CSMD1: variants seen among roughly 807,000 people sequenced by gnomAD.
CSMD1 encodes the protein CUB and sushi domain-containing protein 1.
A neutral mutation model predicts 417.5 loss-of-function variants in CSMD1; 213 were observed. The observed-to-expected ratio is 0.51, with a 90% CI of 0.46 to 0.57. The LOEUF is 0.57. Among genes scored for constraint, CSMD1 ranks in the 20% least tolerant of loss-of-function variants. The pLI is 0.00. For synonymous variants in CSMD1, 2,862 were observed against 1,736.8 expected, an observed-to-expected ratio of 1.65 and a Z score of -16.11; for missense variants, 6,923 against 4,529.7, an observed-to-expected ratio of 1.53 and a Z score of -15.17.
intron 1 of CSMD1, among the ~76,000 whole-genome samples, chr8:4,956,401 T>C (rs564959107): frequency 1.8e-4 from 27 of 150,044 alleles, no homozygotes; most frequent in Non-Finnish European, 3.3e-4. Flanking sequence ...TACACATACA[T>C]TTTCAAGATA....
intron 1 of CSMD1, among the ~76,000 whole-genome samples, chr8:4,986,978 TA>T (rs1414596400): frequency 6.6e-6 from 1 of 152,162 alleles, no homozygotes; most frequent in Non-Finnish European, 1.5e-5. Flanking sequence ...AATACATAGA[TA>T]ATGTTTATAT....
chr8:4,320,518 C>A (rs1165643741), intron 3 of CSMD1, among the ~76,000 whole-genome samples: 1 of 152,092 alleles, frequency 6.6e-6, no homozygotes, highest in Non-Finnish European at 1.5e-5. Context: ...AGACCCCCAC[C>A]CCCCAACAGG....
chr8:3,855,639 A>G (rs893089197), intron 5 of CSMD1, among the ~76,000 whole-genome samples: 1 of 152,134 alleles, frequency 6.6e-6, no homozygotes, highest in Non-Finnish European at 1.5e-5. Context: ...TACTGCTTGA[A>G]ACATGAATTT....
chr8:4,453,204 GACAC>G (rs1231380580), intron 2 of CSMD1, among the ~76,000 whole-genome samples: 2 of 129,446 alleles, frequency 1.5e-5, no homozygotes, highest in East Asian at 2.1e-4. Context: ...CACCCACACA[GACAC>G]ACACAGAGAC....
At position 4,891,554 on chromosome 8, in the gene CSMD1, T is replaced by C. The variant is rs1409138715; in HGVS notation, c.85+102778A>G. Among the ~76,000 whole-genome samples the C allele has an allele frequency of 3.9e-5, 6 of 152,228 alleles. No individual in the cohort carries two copies. The East Asian group carries it at 1.2e-3, about 29-fold the overall frequency. On this transcript the variant is annotated intron_variant, in intron 1 of 69. Coordinates refer to ENST00000635120, the MANE Select transcript of CSMD1 (RefSeq NM_033225.6). ...TTTTTATAGGGAGTTTGCCTTGAAATTCCTAGCATCTTGCAATTTATTTTT... is the reference window on the plus strand; with the variant it reads ...TTTTTATAGGGAGTTTGCCTTGAAACTCCTAGCATCTTGCAATTTATTTTT...
chr8:3,656,241 T>A (rs1447314416), intron 7 of CSMD1, among the ~76,000 whole-genome samples: 1 of 152,056 alleles, frequency 6.6e-6, no homozygotes, highest in East Asian at 1.9e-4. Context: ...GGGACCCAGG[T>A]AAACAGGAAG....
At chr8:3,556,509 T>C (rs1030222980) in intron 10 of CSMD1, among the ~76,000 whole-genome samples, 8 of 109,576 alleles carry the variant, frequency 7.3e-5, no homozygotes, top group African/African-American at 3.5e-4. Context: ...AAACTTCTTT[T>C]TCACACGCAC....
At chr8:4,993,984 CCA>C (rs757787183) in intron 1 of CSMD1, among the ~76,000 whole-genome samples, 5 of 152,142 alleles carry the variant, frequency 3.3e-5, no homozygotes, top group Non-Finnish European at 5.9e-5. Flanking sequence ...CCCGTGGAGT[CCA>C]CGTCTCGGAG....
chr8:4,977,463 G>C (rs1262482843), intron 1 of CSMD1, among the ~76,000 whole-genome samples: 1 of 152,164 alleles, frequency 6.6e-6, no homozygotes, highest in Non-Finnish European at 1.5e-5. Context: ...ATGCACATTG[G>C]GAAAGAAGGT....
At chr8:3,177,222 C>T (rs12675049) in intron 37 of CSMD1, among the ~76,000 whole-genome samples, 5 of 152,152 alleles carry the variant, frequency 3.3e-5, no homozygotes, top group East Asian at 1.9e-4. Context: ...GCCTGGGCCT[C>T]GTGTGACTCT....
intron 3 of CSMD1, among the ~76,000 whole-genome samples, chr8:4,172,537 T>C (rs1797823992): frequency 6.6e-6 from 1 of 152,086 alleles, no homozygotes; most frequent in South Asian, 2.1e-4. Flanking sequence ...ATTTCTGCTT[T>C]GCTTGCAGTG....
chr8:4,451,977 T>A (rs1799174360), intron 2 of CSMD1, among the ~76,000 whole-genome samples: 1 of 149,162 alleles, frequency 6.7e-6, no homozygotes, highest in Non-Finnish European at 1.5e-5. Context: ...TAATTTGATA[T>A]ACATATAGTT....
chr8:4,348,728 T>C (rs925689023), intron 3 of CSMD1, among the ~76,000 whole-genome samples: 1 of 152,132 alleles, frequency 6.6e-6, no homozygotes, highest in African/African-American at 2.4e-5. Flanking sequence ...TTGATCTTCG[T>C]CTTTAGGAAG....
chr8:3,101,509 A>G (rs6558720), intron 46 of CSMD1, among the ~76,000 whole-genome samples: 119,420 of 151,918 alleles, frequency 0.79, 47,135 homozygotes, highest in East Asian at 0.96. Flanking sequence ...TGCAAGCTCC[A>G]CCTCCGGGGT....
chr8:2,985,977 A>AAAGGGG (rs1805868313), intron 54 of CSMD1, among the ~76,000 whole-genome samples: 1 of 121,546 alleles, frequency 8.2e-6, no homozygotes, highest in Admixed American at 8.0e-5. Flanking sequence ...AGGGGAAGGG[A>AAAGGGG]AAGGGGAAGG....
chr8:4,663,343 C>T (rs1018065218), intron 1 of CSMD1, among the ~76,000 whole-genome samples: 2 of 152,132 alleles, frequency 1.3e-5, no homozygotes, highest in Non-Finnish European at 2.9e-5. Flanking sequence ...AGCAAAACTA[C>T]GTAGAATCTA....
At chr8:3,920,313 G>A (rs370830703) in intron 5 of CSMD1, among the ~76,000 whole-genome samples, 1 of 151,946 alleles carries the variant, frequency 6.6e-6, no homozygotes, top group Non-Finnish European at 1.5e-5. Flanking sequence ...GAGATTATAG[G>A]AGTGAGCCAC....
chr8:4,984,758 C>T (rs1222513046), intron 1 of CSMD1, among the ~76,000 whole-genome samples: 2 of 152,174 alleles, frequency 1.3e-5, no homozygotes, highest in East Asian at 3.9e-4. Context: ...GGATGAACAG[C>T]AGAAGGAAAA....
chr8:4,910,701 T>C (rs891728476), intron 1 of CSMD1, among the ~76,000 whole-genome samples: 1 of 152,214 alleles, frequency 6.6e-6, no homozygotes, highest in Non-Finnish European at 1.5e-5. Context: ...AGAAATGTGT[T>C]TTAAGATATT....
Sources: gnomAD v4.1 joint callset for allele counts (sites outside exome capture counted in the v4.1 genomes callset) on GRCh38, gnomAD v4.1.1 for gene constraint, MANE v1.5 for transcripts, NCBI Gene and HGNC (gene_info 2026-07-23, HGNC 2026-07-21) for gene names.